The following LY75 variants were observed in gnomAD, a reference collection of about 807,000 sequenced individuals.
The protein encoded by LY75 is lymphocyte antigen 75.
In LY75, 185 loss-of-function variants were observed where a neutral mutation model predicts 231.7. The ratio of observed to expected loss-of-function variants is 0.80; its 90% CI spans 0.71 to 0.90. The LOEUF (loss-of-function observed/expected upper bound fraction) is 0.90, where lower values mean the gene tolerates loss of function less well. Among genes scored for constraint, LY75 ranks in the 40% least tolerant of loss-of-function variants. The pLI is 0.00. For synonymous variants in LY75, 668 were observed against 689.0 expected, an observed-to-expected ratio of 0.97 and a Z score of 0.48; for missense variants, 1,947 against 2,050.2, an observed-to-expected ratio of 0.95 and a Z score of 0.97.
chr2:159,860,670 G>T, intron 15 of LY75, 151 bp downstream of exon 15: 2 of 789,598 alleles, frequency 2.5e-6, no homozygotes, highest in Non-Finnish European at 2.0e-6. Flanking sequence ...TGTAAGTTAG[G>T]CTGCTGAGGG....
intron 23 of LY75, among the ~76,000 whole-genome samples, chr2:159,849,357 C>T (rs1406549035): frequency 6.6e-6 from 1 of 152,076 alleles, no homozygotes; most frequent in Non-Finnish European, 1.5e-5. Flanking sequence ...TAACTACTGT[C>T]AGTATAATGC....
At chr2:159,894,239 T>G (rs1685843758) in intron 2 of LY75, 155 bp from the exon 3 acceptor site, 1 of 519,564 alleles carries the variant, frequency 1.9e-6, no homozygotes, top group Admixed American at 6.4e-5. Context: ...GGTCTGGATA[T>G]GAATGCTGGC....
chr2:159,849,113 T>G (rs934673518), intron 23 of LY75, among the ~76,000 whole-genome samples: 1 of 152,218 alleles, frequency 6.6e-6, no homozygotes, highest in Non-Finnish European at 1.5e-5. Context: ...AGTAATAATT[T>G]GATATTTATA....
At chr2:159,883,282 T>TAAA (rs1018177547) in intron 6 of LY75, among the ~76,000 whole-genome samples, 1 of 136,738 alleles carries the variant, frequency 7.3e-6, no homozygotes, top group Non-Finnish European at 1.6e-5. Flanking sequence ...AAAGTATAAT[T>TAAA]AAAAAAAAAA....
chr2:159,821,093 C>A (rs2125833993), intron 28 of LY75, among the ~76,000 whole-genome samples: 1 of 152,244 alleles, frequency 6.6e-6, no homozygotes, highest in African/African-American at 2.4e-5. Context: ...CCGCCTTGGC[C>A]TCCCAAATTG....
At chr2:159,861,259 T>C (rs796450002) in intron 14 of LY75, among the ~76,000 whole-genome samples, 15 of 152,278 alleles carry the variant, frequency 9.9e-5, no homozygotes, top group African/African-American at 3.6e-4. Flanking sequence ...TCAAGGAGTT[T>C]TACATTTAGA....
intron 3 of LY75, among the ~76,000 whole-genome samples, chr2:159,891,298 C>T (rs562939337): frequency 1.6e-4 from 24 of 152,170 alleles, no homozygotes; most frequent in Non-Finnish European, 3.2e-4. Flanking sequence ...TGTGACAGAG[C>T]TATAATGAGG....
chr2:159,895,631 A>G (rs1242361050), intron 2 of LY75, among the ~76,000 whole-genome samples: 1 of 152,212 alleles, frequency 6.6e-6, no homozygotes, highest in Non-Finnish European at 1.5e-5. Flanking sequence ...TGATACATTC[A>G]GGCACTCAGC....
intron 12 of LY75, among the ~76,000 whole-genome samples, chr2:159,874,165 G>GTATATATATTGTAAA (rs1560093156): frequency 7.2e-4 from 1 of 1,398 alleles, no homozygotes; most frequent in African/African-American, 1.2e-3. Context: ...ATATATAAAC[G>GTATATATATTGTAAA]TATATATATT....
chr2:159,811,290 C>T (rs1247907666), intron 31 of LY75, among the ~76,000 whole-genome samples: 2 of 152,014 alleles, frequency 1.3e-5, no homozygotes, highest in East Asian at 1.9e-4. Flanking sequence ...ACATCAGCAC[C>T]GCAACATCAC....
intron 1 of LY75, among the ~76,000 whole-genome samples, chr2:159,899,472 T>C (rs1052968115): frequency 1.3e-5 from 2 of 152,228 alleles, no homozygotes; most frequent in African/African-American, 4.8e-5. Context: ...CAAAAGAAGC[T>C]CTTTAGTTTT....
chr2:159,806,587 C>T (rs1560058235), intron 34 of LY75, among the ~76,000 whole-genome samples: 1 of 151,998 alleles, frequency 6.6e-6, no homozygotes, highest in Non-Finnish European at 1.5e-5. Context: ...TTAAAATTAA[C>T]CATGAGTTTT....
chr2:159,825,663 A>C (rs1683439990), intron 28 of LY75, among the ~76,000 whole-genome samples: 1 of 152,172 alleles, frequency 6.6e-6, no homozygotes, highest in African/African-American at 2.4e-5. Flanking sequence ...AAAAAAAGAA[A>C]ATTTCAGGCC....
chr2:159,840,716 A>T lies in LY75; in HGVS notation c.3507+13T>A, dbSNP rs1308737807. ...CCATCACCCAGTCCTGGCAGTTGGG[A>T]CTGAACACTTACATCTTGACTGAAG... On this transcript the variant is annotated intron_variant, in intron 25 of 34. Coordinates refer to ENST00000263636, the MANE Select transcript of LY75 (RefSeq NM_002349.4). 7.4e-6 allele frequency: 12 copies of T among 1,613,980 alleles called. No individual in the cohort carries two copies. The highest frequency in any genetic ancestry group is 1.0e-5 in the Non-Finnish European group (12 of 1,179,894).
intron 30 of LY75, among the ~76,000 whole-genome samples, 191 bp downstream of exon 30, chr2:159,816,615 T>C (rs1224231790): frequency 2.6e-5 from 4 of 152,232 alleles, no homozygotes; most frequent in Non-Finnish European, 5.9e-5. Context: ...CCTGATCATT[T>C]GTCCTAGTGC....
chr2:159,844,283 A>G (rs73967943), intron 23 of LY75, among the ~76,000 whole-genome samples: 7,037 of 151,292 alleles, frequency 0.047, 503 homozygotes, highest in African/African-American at 0.15. Flanking sequence ...GTTTAATACA[A>G]TATCTACTAA....
chr2:159,830,588 C>CTTTTTTTTT (rs35004394), intron 28 of LY75, among the ~76,000 whole-genome samples: 1 of 129,052 alleles, frequency 7.7e-6, no homozygotes, highest in Non-Finnish European at 1.6e-5. Context: ...TTTTTCTATT[C>CTTTTTTTTT]TTTTTTTTTT....
intron 26 of LY75, among the ~76,000 whole-genome samples, 184 bp from the exon 27 acceptor site, chr2:159,834,395 T>C (rs926968557): frequency 3.3e-5 from 5 of 152,190 alleles, no homozygotes; most frequent in Admixed American, 1.3e-4. Flanking sequence ...GGAAGGAAAT[T>C]ACTTGACACA....
At chr2:159,882,464 CCT>C in intron 6 of LY75, 149 bp from the exon 7 acceptor site, 1 of 1,075,162 alleles carries the variant, frequency 9.3e-7, no homozygotes, top group Non-Finnish European at 1.3e-6. Flanking sequence ...TCATGTGGTG[CCT>C]ACCACATAAA....
Sources: allele counts gnomAD v4.1 joint callset (sites outside exome capture counted in the v4.1 genomes callset), GRCh38; gene constraint gnomAD v4.1.1; transcripts MANE v1.5; gene names NCBI Gene and HGNC (gene_info 2026-07-23, HGNC 2026-07-21).